The following ATP8A1 variants were observed in gnomAD, a reference collection of about 807,000 sequenced individuals.
The protein encoded by ATP8A1 is phospholipid-transporting ATPase IA.
Under a neutral mutation model 177.7 loss-of-function variants are expected in ATP8A1, and 90 were observed. That is an observed-to-expected ratio of 0.51 (90% CI 0.43 to 0.60). The LOEUF (loss-of-function observed/expected upper bound fraction) is 0.60. Among genes scored for constraint, ATP8A1 ranks in the 20% least tolerant of loss-of-function variants. ATP8A1 has a pLI of 0.00. For synonymous variants in ATP8A1, 493 were observed against 485.9 expected (o/e 1.01, Z -0.19); for missense variants, 1,072 against 1,392.8 (o/e 0.77, Z 3.67).
intron 1 of ATP8A1, among the ~76,000 whole-genome samples, chr4:42,641,989 GTTT>G (rs1318348850): frequency 4.1e-5 from 6 of 146,018 alleles, no homozygotes; most frequent in Non-Finnish European, 9.1e-5. Context: ...ACTCACCTTT[GTTT>G]TTTTTTTTAA....
chr4:42,589,499 A>C (rs2109364044), intron 7 of ATP8A1, among the ~76,000 whole-genome samples: 1 of 152,282 alleles, frequency 6.6e-6, no homozygotes. Context: ...AAACACATAG[A>C]CATTAATCAA....
intron 15 of ATP8A1, among the ~76,000 whole-genome samples, chr4:42,560,986 A>G (rs1048849343): frequency 1.3e-5 from 2 of 152,164 alleles, no homozygotes; most frequent in African/African-American, 4.8e-5. Context: ...AAACATGTTT[A>G]TTTATAACAT....
intron 19 of ATP8A1, among the ~76,000 whole-genome samples, chr4:42,544,499 T>C (rs1182828745): frequency 6.6e-6 from 1 of 152,348 alleles, no homozygotes; most frequent in Non-Finnish European, 1.5e-5. Context: ...AGCAAACCAC[T>C]GGCATCATGC....
In ATP8A1 at chr4:42,510,373, C is replaced by A. The variant is rs149617039; in HGVS notation, c.1948-3219G>T. On this transcript the variant is annotated intron_variant, in intron 22 of 36. Coordinates refer to ENST00000381668, the MANE Select transcript of ATP8A1 (RefSeq NM_006095.2). ...AATTCAGCATCAGTGATGCCAGCAC[C>A]ACAACTGTTGAATTTAAATGTTTAC... 3.7e-3 allele frequency among the ~76,000 whole-genome samples: 565 copies of A among 152,226 alleles called. 12 individuals are homozygous for A. Among genetic ancestry groups the A allele is most frequent in the Admixed American group, 3.4e-3 (52 of 15,292 alleles).
At chr4:42,542,759 C>T (rs1422084616) in intron 20 of ATP8A1, among the ~76,000 whole-genome samples, 1 of 152,172 alleles carries the variant, frequency 6.6e-6, no homozygotes, top group Admixed American at 6.5e-5. Context: ...CTGCAAAGGA[C>T]ATGAACTCAT....
intron 29 of ATP8A1, 121 bp downstream of exon 29, chr4:42,455,176 G>T: frequency 8.0e-7 from 1 of 1,247,520 alleles, no homozygotes; most frequent in Non-Finnish European, 1.1e-6. Context: ...TGCCATAGTC[G>T]GTACCCTGGA....
intron 22 of ATP8A1, among the ~76,000 whole-genome samples, chr4:42,520,188 G>T (rs1373335532): frequency 6.6e-6 from 1 of 152,154 alleles, no homozygotes; most frequent in African/African-American, 2.4e-5. Context: ...TTCTACTCTA[G>T]AACTGAAGTT....
At chr4:42,556,264 T>C (rs953299704) in intron 15 of ATP8A1, 1 of 359,888 alleles carries the variant, frequency 2.8e-6, no homozygotes, top group Non-Finnish European at 5.0e-6. Context: ...TAATGAAAAA[T>C]AGTATTTTAC....
At chr4:42,491,748 T>C (rs1371175367) in intron 24 of ATP8A1, among the ~76,000 whole-genome samples, 1 of 152,220 alleles carries the variant, frequency 6.6e-6, no homozygotes, top group Non-Finnish European at 1.5e-5. Flanking sequence ...GACTGTGTTT[T>C]TGATGGCCCC....
chr4:42,624,693 T>A, intron 3 of ATP8A1, 59 bp from the exon 4 acceptor site: 1 of 978,510 alleles, frequency 1.0e-6, no homozygotes, highest in South Asian at 2.5e-5. Context: ...TTATAATAGA[T>A]TCAAGAAAAC....
intron 25 of ATP8A1, among the ~76,000 whole-genome samples, chr4:42,484,600 G>A (rs977721579): frequency 6.6e-6 from 1 of 152,040 alleles, no homozygotes; most frequent in South Asian, 2.1e-4. Context: ...GGTATAAAAA[G>A]CATAACTTTA....
chr4:42,559,392 C>A (rs1413865990), intron 15 of ATP8A1, among the ~76,000 whole-genome samples: 2 of 152,034 alleles, frequency 1.3e-5, no homozygotes, highest in Non-Finnish European at 2.9e-5. Context: ...ATATAAATGG[C>A]TTTATATATA....
chr4:42,547,357 C>T (rs748471701), intron 19 of ATP8A1, among the ~76,000 whole-genome samples: 2 of 152,212 alleles, frequency 1.3e-5, no homozygotes, highest in African/African-American at 4.8e-5. Context: ...CTACCATCAT[C>T]CTAGTCTAAA....
intron 4 of ATP8A1, among the ~76,000 whole-genome samples, chr4:42,622,247 T>C (rs1046450833): frequency 3.4e-5 from 5 of 146,526 alleles, no homozygotes; most frequent in Non-Finnish European, 7.5e-5. Context: ...CCGGGAATGG[T>C]GGTGGGAGCC....
intron 20 of ATP8A1, among the ~76,000 whole-genome samples, chr4:42,528,871 A>G (rs1726977249): frequency 6.6e-6 from 1 of 152,276 alleles, no homozygotes; most frequent in Admixed American, 6.5e-5. Context: ...TGGGAAATAA[A>G]CCTGACTAAA....
chr4:42,489,757 G>T (rs1405897266), intron 24 of ATP8A1, among the ~76,000 whole-genome samples: 16 of 152,042 alleles, frequency 1.1e-4, no homozygotes, highest in Non-Finnish European at 4.4e-5. Context: ...TGGCTGCATT[G>T]CATTGAAGCT....
At chr4:42,473,809 C>T (rs1720743429) in intron 25 of ATP8A1, among the ~76,000 whole-genome samples, 1 of 137,200 alleles carries the variant, frequency 7.3e-6, no homozygotes, top group Non-Finnish European at 1.6e-5. Context: ...CCATGCATGG[C>T]TAATTTTTGT....
At chr4:42,530,464 CCA>C (rs1214259888) in intron 20 of ATP8A1, among the ~76,000 whole-genome samples, 5 of 152,372 alleles carry the variant, frequency 3.3e-5, no homozygotes, top group Admixed American at 2.6e-4. Flanking sequence ...TCAAGATCTT[CCA>C]CACAGTACTG....
intron 22 of ATP8A1, among the ~76,000 whole-genome samples, chr4:42,511,072 C>T (rs965371343): frequency 7.9e-5 from 12 of 152,288 alleles, no homozygotes; most frequent in Middle Eastern, 3.4e-3. Context: ...ACTCCATAAG[C>T]GTGTTAATTT....
Sources: gnomAD v4.1 joint callset for allele counts (sites outside exome capture counted in the v4.1 genomes callset) on GRCh38, gnomAD v4.1.1 for gene constraint, MANE v1.5 for transcripts, NCBI Gene and HGNC (gene_info 2026-07-23, HGNC 2026-07-21) for gene names.